Variants in NRXN1 observed in about 807,000 individuals in gnomAD.
NRXN1 encodes the protein neurexin-1.
NRXN1 carries 39 observed loss-of-function variants against 150.9 expected under a neutral mutation model. That is an observed-to-expected ratio of 0.26 (90% CI 0.20 to 0.34). NRXN1 has a LOEUF of 0.34. Among genes scored for constraint, NRXN1 ranks in the 10% least tolerant of loss-of-function variants. NRXN1 has a pLI of 1.00. For synonymous variants in NRXN1, 924 were observed against 757.0 expected (o/e 1.22, Z -3.62); for missense variants, 1,815 against 1,949.9 (o/e 0.93, Z 1.30).
intron 5 of NRXN1, among the ~76,000 whole-genome samples, chr2:50,707,587 G>A (rs1405958062): frequency 2.6e-5 from 4 of 152,072 alleles, no homozygotes; most frequent in African/African-American, 9.7e-5. Context: ...ATTTAATCCT[G>A]CTGCCCTGAT....
rs189978417 is a variant in NRXN1, at chr2:49,951,688, C to G, written c.4129-7897G>C. Among the ~76,000 whole-genome samples, 3 of 152,134 alleles carry G rather than the reference C, an allele frequency of 2.0e-5. No homozygotes were observed. In the East Asian group the frequency reaches 5.8e-4, roughly 29 times the overall value. On this transcript the variant is annotated intron_variant, in intron 21 of 22. Coordinates refer to ENST00000401669, the MANE Select transcript of NRXN1 (RefSeq NM_001330078.2). ...TACAAATGTAAATTTAGGCTTCTAG[C>G]TGTATCAGTATGAATATCTAGTCCT... is the stretch of plus-strand genomic sequence containing the variant.
intron 2 of NRXN1, among the ~76,000 whole-genome samples, chr2:50,949,586 T>C (rs1690967292): frequency 6.6e-6 from 1 of 152,070 alleles, no homozygotes; most frequent in Non-Finnish European, 1.5e-5. Context: ...AATCCAGACA[T>C]CCTGCAAAGT....
chr2:50,903,238 T>C (rs57089078), intron 5 of NRXN1, among the ~76,000 whole-genome samples: 12,989 of 152,198 alleles, frequency 0.085, 619 homozygotes, highest in South Asian at 0.12. Flanking sequence ...CTCTTTATGT[T>C]CTCTGCTTTC....
At chr2:50,133,884 TA>T (rs1398141371) in intron 18 of NRXN1, among the ~76,000 whole-genome samples, 1 of 152,178 alleles carries the variant, frequency 6.6e-6, no homozygotes, top group African/African-American at 2.4e-5. Context: ...TTGTGTCTAA[TA>T]CTCCTCTTCA....
At chr2:50,895,520 A>G (rs1681789922) in intron 5 of NRXN1, among the ~76,000 whole-genome samples, 1 of 151,930 alleles carries the variant, frequency 6.6e-6, no homozygotes, top group African/African-American at 2.4e-5. Flanking sequence ...GTGGGTCACT[A>G]TAAATTAAGA....
At chr2:50,324,141 TTG>T (rs2076228945) in intron 17 of NRXN1, among the ~76,000 whole-genome samples, 1 of 152,176 alleles carries the variant, frequency 6.6e-6, no homozygotes, top group East Asian at 1.9e-4. Context: ...GGGTATATGC[TTG>T]AGTAGAAGGA....
chr2:50,828,674 G>C (rs528058721), intron 5 of NRXN1, among the ~76,000 whole-genome samples: 2 of 151,516 alleles, frequency 1.3e-5, no homozygotes, highest in Non-Finnish European at 2.9e-5. Flanking sequence ...ATGGGATGGC[G>C]GCCGGGAAGA....
intron 5 of NRXN1, among the ~76,000 whole-genome samples, chr2:50,866,993 T>A (rs952433702): frequency 6.6e-6 from 1 of 151,902 alleles, no homozygotes; most frequent in Admixed American, 6.6e-5. Flanking sequence ...AATACTCTTT[T>A]AATAATAATG....
intron 5 of NRXN1, among the ~76,000 whole-genome samples, chr2:50,738,332 AGT>A (rs1205800574): frequency 6.6e-6 from 1 of 152,210 alleles, no homozygotes; most frequent in Admixed American, 6.5e-5. Flanking sequence ...GTTTGCTGGA[AGT>A]AGCAGTTGTG....
At position 50,953,142 on chromosome 2, in the gene NRXN1, T is replaced by G. The variant is rs972625789; in HGVS notation, c.773-27187A>C. 2.6e-5 allele frequency among the ~76,000 whole-genome samples: 4 copies of G among 152,188 alleles called. No homozygotes were observed. In the South Asian group the frequency reaches 8.3e-4, roughly 32 times the overall value. On this transcript the variant is annotated intron_variant, in intron 2 of 22. Transcript: ENST00000401669. The stretch of plus-strand genomic sequence containing the variant: ...ACTTATTTCCACTTCCTGATGGAAT[T>G]GCACAATAGGATGAGTATAGACCCA...
intron 17 of NRXN1, among the ~76,000 whole-genome samples, chr2:50,274,962 A>T (rs1268047974): frequency 6.6e-6 from 1 of 152,150 alleles, no homozygotes; most frequent in Non-Finnish European, 1.5e-5. Context: ...TACAAAATTG[A>T]TGTCAGATAG....
chr2:50,932,522 G>A (rs1165073249), intron 2 of NRXN1, among the ~76,000 whole-genome samples: 2 of 151,984 alleles, frequency 1.3e-5, no homozygotes, highest in South Asian at 4.1e-4. Context: ...CCACTTACAA[G>A]TGGGAACTAA....
chr2:50,348,816 A>G (rs2078220897), intron 17 of NRXN1, among the ~76,000 whole-genome samples: 1 of 151,692 alleles, frequency 6.6e-6, no homozygotes, highest in African/African-American at 2.4e-5. Flanking sequence ...ATAAAAAACT[A>G]TGACATGTCC....
intron 17 of NRXN1, among the ~76,000 whole-genome samples, chr2:50,378,269 G>A (rs968216897): frequency 6.6e-6 from 1 of 152,142 alleles, no homozygotes; most frequent in Non-Finnish European, 1.5e-5. Context: ...TTTACAATAA[G>A]TAGATGCTGA....
At position 50,091,369 on chromosome 2, in the gene NRXN1, G is replaced by T. The variant is rs201129779; in HGVS notation, c.3672C>A (p.Ala1224=). Residue 1224 remains alanine, a synonymous_variant, in exon 19 of 23, where the codon GCC becomes GCA. Transcript: ENST00000401669. ...VVRFTRSGGN[A]TLQVDSWPVI... ...CTGGCCAGCTGTCCACCTGCAACGT[G>T]GCATTGCCACCACTCCTCGTGAAAC... 53 of 1,614,052 alleles carry T rather than the reference G, an allele frequency of 3.3e-5. No individual in the cohort carries two copies. Among genetic ancestry groups the T allele is most frequent in the Admixed American group, 8.3e-5 (5 of 59,994 alleles).
chr2:50,342,326 C>T (rs942463131), intron 17 of NRXN1, among the ~76,000 whole-genome samples: 2 of 152,186 alleles, frequency 1.3e-5, no homozygotes, highest in Non-Finnish European at 2.9e-5. Context: ...AGTGATATAA[C>T]ATTTTGTCCA....
chr2:50,950,382 A>G (rs955713469), intron 2 of NRXN1, among the ~76,000 whole-genome samples: 10 of 152,204 alleles, frequency 6.6e-5, no homozygotes, highest in African/African-American at 2.4e-4. Context: ...CCATTTGACA[A>G]TTTAGGCTGG....
At chr2:49,953,361 A>C (rs1298772493) in intron 21 of NRXN1, among the ~76,000 whole-genome samples, 1 of 152,114 alleles carries the variant, frequency 6.6e-6, no homozygotes, top group Non-Finnish European at 1.5e-5. Context: ...TATCTGGCTC[A>C]GATGTCACAA....
intron 17 of NRXN1, among the ~76,000 whole-genome samples, chr2:50,411,633 C>G (rs1383951497): frequency 4.0e-5 from 6 of 151,600 alleles, no homozygotes; most frequent in African/African-American, 1.5e-4. Flanking sequence ...GCGTCTCTGA[C>G]CGGCCGCCCC....
Sources: allele counts gnomAD v4.1 joint callset (sites outside exome capture counted in the v4.1 genomes callset), GRCh38; gene constraint gnomAD v4.1.1; transcripts MANE v1.5; gene names NCBI Gene and HGNC (gene_info 2026-07-23, HGNC 2026-07-21).